ZFHX3: variants seen among roughly 807,000 people sequenced by gnomAD.
The protein encoded by ZFHX3 is zinc finger homeobox 3.
ZFHX3 carries 42 observed loss-of-function variants against 279.1 expected under a neutral mutation model. The ratio of observed to expected loss-of-function variants is 0.15; its 90% CI spans 0.12 to 0.19. The LOEUF (loss-of-function observed/expected upper bound fraction) is 0.19. ZFHX3 is among the 10% of genes least tolerant of loss of function. The probability of loss-of-function intolerance (pLI) is 1.00; values close to 1 mark genes in which losing one functional copy is unlikely to be tolerated. For synonymous variants in ZFHX3, 2,293 were observed against 1,957.8 expected, an observed-to-expected ratio of 1.17 and a Z score of -4.52; for missense variants, 4,981 against 4,754.0, an observed-to-expected ratio of 1.05 and a Z score of -1.40.
chr16:73,851,902 G>A lies in ZFHX3; in HGVS notation c.-1608+39749C>T, dbSNP rs554813021. On this transcript the variant is annotated intron_variant, in intron 1 of 17. Transcript: ENST00000641206. ...CTCGGACAGTTTTGATTGTCACAAT[G>A]ATAGGGGAGGTAGGGCATTAATGAC... is the stretch of plus-strand genomic sequence containing the variant. Among the ~76,000 whole-genome samples the A allele has an allele frequency of 1.6e-4, 24 of 152,284 alleles. No individual in the cohort carries two copies. The East Asian group carries it at 4.2e-3, about 27-fold the overall frequency.
chr16:73,132,647 C>T (rs928423045), intron 6 of ZFHX3, among the ~76,000 whole-genome samples: 1 of 152,014 alleles, frequency 6.6e-6, no homozygotes, highest in Admixed American at 6.6e-5. Flanking sequence ...GCATCCCGGC[C>T]GTTTCTTACA....
intron 2 of ZFHX3, among the ~76,000 whole-genome samples, chr16:73,553,809 TGCCAG>T (rs2020237032): frequency 6.6e-6 from 1 of 152,136 alleles, no homozygotes; most frequent in South Asian, 2.1e-4. Flanking sequence ...TGCTTCTAGG[TGCCAG>T]GCCTAGGGTT....
intron 3 of ZFHX3, among the ~76,000 whole-genome samples, chr16:73,441,930 A>C (rs568184223): frequency 6.6e-6 from 1 of 152,300 alleles, no homozygotes; most frequent in Admixed American, 6.5e-5. Context: ...TTTTGAGAAA[A>C]ATGAAAATGG....
intron 2 of ZFHX3, among the ~76,000 whole-genome samples, chr16:73,588,092 CGT>C (rs1567526515): frequency 2.3e-4 from 34 of 146,852 alleles, no homozygotes; most frequent in African/African-American, 9.1e-4. Context: ...AAATCAACAA[CGT>C]AAGGTAACTA....
At chr16:73,413,544 C>G (rs1341545368) in intron 3 of ZFHX3, among the ~76,000 whole-genome samples, 1 of 152,164 alleles carries the variant, frequency 6.6e-6, no homozygotes, top group African/African-American at 2.4e-5. Flanking sequence ...TAGCAAAAGG[C>G]AATCAGTAGC....
At chr16:72,884,133 C>T (rs1431040012) in intron 4 of ZFHX3, among the ~76,000 whole-genome samples, 1 of 152,146 alleles carries the variant, frequency 6.6e-6, no homozygotes, top group Admixed American at 6.5e-5. Flanking sequence ...TTCTTGGTCT[C>T]TTAACTCTTA....
chr16:73,184,289 GACA>G, intron 5 of ZFHX3, among the ~76,000 whole-genome samples: 1 of 152,204 alleles, frequency 6.6e-6, no homozygotes, highest in Non-Finnish European at 1.5e-5. Context: ...GTGATCAAGA[GACA>G]GCAATGCAGC....
chr16:73,246,380 C>T (rs2013280334), intron 5 of ZFHX3, among the ~76,000 whole-genome samples: 1 of 152,148 alleles, frequency 6.6e-6, no homozygotes, highest in African/African-American at 2.4e-5. Flanking sequence ...CTGTCCCCAT[C>T]CAGGTTTGGA....
At chr16:72,788,918 A>C in intron 9 of ZFHX3, 70 bp from the exon 10 acceptor site, 1 of 1,497,218 alleles carries the variant, frequency 6.7e-7, no homozygotes, top group Non-Finnish European at 8.9e-7. Flanking sequence ...AAGACGTTTT[A>C]CCGGTGTCAC....
Position 72,795,428 on chromosome 16 carries a change from G to A in ZFHX3, c.7254C>T (p.Thr2418=), listed in dbSNP as rs746447934. The stretch of plus-strand genomic sequence containing the variant: ...CGCCTGCCTCTGTTTTTGAATTGAA[G>A]GTGGCCAGTTCCTCAGCCTCCGCTG... ...QLTAEAEELA[T]FNSKTEAGDE... The change falls in exon 9 of 10, where the codon ACC becomes ACT. Residue 2418 remains threonine (T), a synonymous_variant. Coordinates refer to ENST00000268489, the MANE Select transcript of ZFHX3 (RefSeq NM_006885.4). 1 of 1,614,152 alleles carries A rather than the reference G, an allele frequency of 6.2e-7. No homozygotes were observed. The highest frequency in any genetic ancestry group is 1.7e-5 in the Admixed American group (1 of 60,014).
At chr16:73,290,761 G>A (rs935849164) in intron 4 of ZFHX3, among the ~76,000 whole-genome samples, 2 of 152,278 alleles carry the variant, frequency 1.3e-5, no homozygotes, top group South Asian at 2.1e-4. Flanking sequence ...AAGGTGCTTC[G>A]CAGAGCCAGC....
At chr16:72,971,009 G>C (rs1302294657) in intron 1 of ZFHX3, among the ~76,000 whole-genome samples, 6 of 152,210 alleles carry the variant, frequency 3.9e-5, no homozygotes, top group Admixed American at 3.9e-4. Context: ...CCACCAGCTA[G>C]AGAACCACTG....
At chr16:72,858,690 G>GT (rs1158671470) in intron 4 of ZFHX3, among the ~76,000 whole-genome samples, 3 of 152,234 alleles carry the variant, frequency 2.0e-5, no homozygotes, top group Non-Finnish European at 4.4e-5. Context: ...GCGAGCAGCC[G>GT]TGAGTGCTGC....
chr16:73,686,411 T>A (rs1397540014), intron 1 of ZFHX3, among the ~76,000 whole-genome samples: 1 of 152,166 alleles, frequency 6.6e-6, no homozygotes, highest in Non-Finnish European at 1.5e-5. Flanking sequence ...CATTTCTAAC[T>A]ATGAGTGCTT....
At chr16:73,145,925 T>C (rs1353610554) in intron 5 of ZFHX3, among the ~76,000 whole-genome samples, 1 of 152,188 alleles carries the variant, frequency 6.6e-6, no homozygotes, top group African/African-American at 2.4e-5. Context: ...ATTCTAACTA[T>C]CAATAGCCCA....
intron 4 of ZFHX3, among the ~76,000 whole-genome samples, chr16:72,883,057 G>A (rs570839134): frequency 1.7e-3 from 232 of 136,010 alleles, no homozygotes; most frequent in Non-Finnish European, 2.6e-3. Flanking sequence ...TGTGTGTAGC[G>A]GGTAGTGGGG....
chr16:73,187,863 G>A (rs1230588020), intron 5 of ZFHX3, among the ~76,000 whole-genome samples: 4 of 152,158 alleles, frequency 2.6e-5, no homozygotes, highest in Non-Finnish European at 5.9e-5. Flanking sequence ...CAAAAGTTTG[G>A]AACTTTTTTT....
At chr16:73,754,054 C>G (rs1249850924) in intron 1 of ZFHX3, among the ~76,000 whole-genome samples, 13 of 145,846 alleles carry the variant, frequency 8.9e-5, no homozygotes, top group Non-Finnish European at 1.6e-4. Context: ...TCCCAAATGT[C>G]TTGTGTATTT....
intron 2 of ZFHX3, among the ~76,000 whole-genome samples, chr16:73,484,490 G>A (rs1359326580): frequency 6.6e-6 from 1 of 152,118 alleles, no homozygotes; most frequent in African/African-American, 2.4e-5. Flanking sequence ...TGACCAGATG[G>A]GCCACCGGCA....
Sources: allele counts gnomAD v4.1 joint callset (sites outside exome capture counted in the v4.1 genomes callset), GRCh38; gene constraint gnomAD v4.1.1; transcripts MANE v1.5; gene names NCBI Gene and HGNC (gene_info 2026-07-23, HGNC 2026-07-21).